The following HIPK2 variants were observed in gnomAD, a reference collection of about 807,000 sequenced individuals.
HIPK2 encodes the protein homeodomain-interacting protein kinase 2.
HIPK2 carries 27 observed loss-of-function variants against 113.7 expected under a neutral mutation model. The observed-to-expected ratio is 0.24, with a 90% CI of 0.17 to 0.33. The LOEUF (loss-of-function observed/expected upper bound fraction) is 0.33, where lower values mean the gene tolerates loss of function less well. HIPK2 is among the 10% of genes least tolerant of loss of function. The pLI, the probability that HIPK2 is intolerant of heterozygous loss-of-function variation, is 1.00. For synonymous variants in HIPK2, 631 were observed against 642.2 expected (o/e 0.98, Z 0.26); for missense variants, 1,257 against 1,588.0 (o/e 0.79, Z 3.54).
intron 12 of HIPK2, among the ~76,000 whole-genome samples, chr7:139,588,410 G>C (rs1395063717): frequency 6.6e-6 from 1 of 151,476 alleles, no homozygotes; most frequent in Non-Finnish European, 1.5e-5. Flanking sequence ...CTAGCTTCTT[G>C]GGAGGCTGAG....
At chr7:139,628,820 TATTTAA>T (rs1800515202) in intron 5 of HIPK2, 127 bp downstream of exon 5, 1 of 711,728 alleles carries the variant, frequency 1.4e-6, no homozygotes, top group Admixed American at 2.8e-5. Flanking sequence ...TGGCTGTAAC[TATTTAA>T]GGTCAAGGTC....
rs747743193 is a variant in HIPK2 at position 139,575,266 on chromosome 7, GGAC to G, written c.2985_2987del (p.Ser997del). ...TGCTGGAGGACTTGGACTTGTAGGA[GGAC>G]GAGTGGTGACTGGTGTTGACTGTGG... On this transcript the variant is annotated inframe_deletion, in exon 14 of 15. Coordinates refer to ENST00000406875, the MANE Select transcript of HIPK2 (RefSeq NM_022740.5). 1.1e-5 allele frequency: 17 copies of G among 1,574,424 alleles called. No homozygotes were observed. The highest frequency in any genetic ancestry group is 1.5e-5 in the Non-Finnish European group (17 of 1,159,956).
chr7:139,670,743 C>CT (rs1460541746), intron 2 of HIPK2, among the ~76,000 whole-genome samples: 3 of 73,340 alleles, frequency 4.1e-5, no homozygotes, highest in East Asian at 1.7e-3. Context: ...TTCTTTCTTT[C>CT]TTTCTTTCTT....
chr7:139,638,829 T>C (rs1800905664), intron 2 of HIPK2, among the ~76,000 whole-genome samples: 2 of 151,974 alleles, frequency 1.3e-5, no homozygotes, highest in South Asian at 2.1e-4. Context: ...GGCTAATTTT[T>C]CGTATTTTTA....
At chr7:139,592,609 A>T (rs931320694) in intron 12 of HIPK2, among the ~76,000 whole-genome samples, 2 of 152,176 alleles carry the variant, frequency 1.3e-5, no homozygotes, top group Admixed American at 6.5e-5. Context: ...TACCCTCATG[A>T]CTAAAGGTTG....
chr7:139,573,123 G>A lies in HIPK2; in HGVS notation c.3401C>T (p.Thr1134Ile), dbSNP rs1798358859. Reference sequence around the variant, plus strand: ...GTGGACGATGCTGGCTGGGTAGGCAGTGTGCTGCACGGTGTGGCGCGCAGA... The same window carrying A: ...GTGGACGATGCTGGCTGGGTAGGCAATGTGCTGCACGGTGTGGCGCGCAGA... ...QGSARHTVQH[T>I]AYPASIVHQV... Residue 1134 changes from threonine (T) to isoleucine (I), a missense_variant, in exon 15 of 15, where the codon ACT becomes ATT. Transcript: ENST00000406875. 2 of 1,611,662 alleles carry A rather than the reference G, an allele frequency of 1.2e-6. No individual in the cohort carries two copies. Among genetic ancestry groups the A allele is most frequent in the African/African-American group, 1.3e-5 (1 of 74,906 alleles).
chr7:139,755,535 G>T (rs1197142051), intron 1 of HIPK2, among the ~76,000 whole-genome samples: 1 of 152,238 alleles, frequency 6.6e-6, no homozygotes, highest in African/African-American at 2.4e-5. Context: ...GGTCTCCTGA[G>T]CTGACGGGGA....
In HIPK2 at chr7:139,631,104, C is replaced by T. The variant is rs1232111238; in HGVS notation, c.1347+61G>A. On this transcript the variant is annotated intron_variant, in intron 4 of 14. Transcript: ENST00000406875. This position sits in a 1 kb window ranked among gnomAD's most constrained non-coding sequence, Gnocchi z 4.9. ...AATCAAAAGCTCCCCACTAATGGGT[C>T]TACGGCCCTCTTCCCTAAGCGCTGG... is the stretch of plus-strand genomic sequence containing the variant. 6.4e-7 allele frequency: 1 copy of T among 1,557,524 alleles called. No homozygotes were observed. The highest frequency in any genetic ancestry group is 8.7e-7 in the Non-Finnish European group (1 of 1,150,494).
chr7:139,721,234 G>T (rs367986570), intron 1 of HIPK2, among the ~76,000 whole-genome samples: 6 of 152,330 alleles, frequency 3.9e-5, no homozygotes, highest in African/African-American at 1.4e-4. Context: ...GCTCCAACAA[G>T]ATATAGTTAA....
chr7:139,620,949 A>G lies in HIPK2; in HGVS notation c.1620-386T>C, dbSNP rs1415018127. Among the ~76,000 whole-genome samples, 4 of 152,130 alleles carry G rather than the reference A, an allele frequency of 2.6e-5. No homozygotes were observed. In the East Asian group the frequency reaches 7.7e-4, roughly 29 times the overall value. On this transcript the variant is annotated intron_variant, in intron 6 of 14. Transcript: ENST00000406875. ...AGCTCTCTGAATGGGAACATTAACTAGTCACTTATAACCCGCCTCCACCTT... is the reference window on the plus strand; with the variant it reads ...AGCTCTCTGAATGGGAACATTAACTGGTCACTTATAACCCGCCTCCACCTT...
chr7:139,582,672 G>A (rs1425953223), intron 13 of HIPK2, among the ~76,000 whole-genome samples: 1 of 152,284 alleles, frequency 6.6e-6, no homozygotes, highest in Non-Finnish European at 1.5e-5. Context: ...GGGTTAGGAA[G>A]TAGGTGGCGG....
At chr7:139,664,693 G>GCTGTA (rs1801986291) in intron 2 of HIPK2, among the ~76,000 whole-genome samples, 1 of 152,156 alleles carries the variant, frequency 6.6e-6, no homozygotes, top group Non-Finnish European at 1.5e-5. Flanking sequence ...GTGGCTCTGA[G>GCTGTA]CTGTACTGTA....
chr7:139,631,382 AT>A lies in HIPK2; in HGVS notation c.1228-99del. The A allele has an allele frequency of 6.8e-7, 1 of 1,479,124 alleles. No individual in the cohort carries two copies. The allele number at this position is 1,479,124 out of a possible 1,614,324, so 91.6% of individuals were successfully genotyped here. Reference sequence around the variant, plus strand: ...GGCTTTGAGAAAAATGAAAATGACAATTTTTGTAGGGAAAGAAGTTAACAAA... The same window carrying A: ...GGCTTTGAGAAAAATGAAAATGACAATTTTGTAGGGAAAGAAGTTAACAAA... On this transcript the variant is annotated intron_variant, in intron 3 of 14. Coordinates refer to ENST00000406875, the MANE Select transcript of HIPK2 (RefSeq NM_022740.5). This position sits in a 1 kb window ranked among gnomAD's most constrained non-coding sequence, Gnocchi z 4.9.
chr7:139,616,085 C>T (rs141273354), intron 7 of HIPK2, among the ~76,000 whole-genome samples: 26 of 152,238 alleles, frequency 1.7e-4, no homozygotes, highest in East Asian at 9.7e-4. Flanking sequence ...GCCCTTAGCC[C>T]CTGTGGGTGT....
Position 139,629,044 on chromosome 7 carries a change from C to T in HIPK2, c.1348-5G>A, listed in dbSNP as rs1288336596. ...TGCTTCATGGTCATCTGGTGTCTGTCAAGAGAGGCAAAAGCCAATTGGTAG... is the reference window on the plus strand; with the variant it reads ...TGCTTCATGGTCATCTGGTGTCTGTTAAGAGAGGCAAAAGCCAATTGGTAG... On this transcript the variant is annotated splice_polypyrimidine_tract_variant and splice_region_variant and intron_variant, in intron 4 of 14. Transcript: ENST00000406875. 2 of 1,582,554 alleles carry T rather than the reference C, an allele frequency of 1.3e-6. No individual in the cohort carries two copies. Among genetic ancestry groups the T allele is most frequent in the Non-Finnish European group, 1.7e-6 (2 of 1,162,040 alleles).
At chr7:139,657,400 A>G (rs1036537196) in intron 2 of HIPK2, among the ~76,000 whole-genome samples, 1 of 152,170 alleles carries the variant, frequency 6.6e-6, no homozygotes, top group African/African-American at 2.4e-5. Flanking sequence ...GACCTCGTCC[A>G]TTCGATTTTT....
intron 2 of HIPK2, among the ~76,000 whole-genome samples, chr7:139,700,414 T>C (rs1355450479): frequency 2.0e-5 from 3 of 152,180 alleles, no homozygotes; most frequent in Non-Finnish European, 4.4e-5. Context: ...AGAGCTATGA[T>C]GACGGTCACA....
intron 1 of HIPK2, among the ~76,000 whole-genome samples, chr7:139,775,690 C>T (rs1796727455): frequency 6.6e-6 from 1 of 152,108 alleles, no homozygotes; most frequent in East Asian, 1.9e-4. Context: ...TAAACCGTAA[C>T]ACCCTACACA....
intron 12 of HIPK2, among the ~76,000 whole-genome samples, chr7:139,593,812 G>A (rs1033106862): frequency 6.6e-6 from 1 of 152,212 alleles, no homozygotes; most frequent in African/African-American, 2.4e-5. Context: ...CAATGTGTAG[G>A]AGGGAAGGTC....
Sources: gnomAD v4.1 joint callset for allele counts (sites outside exome capture counted in the v4.1 genomes callset) on GRCh38, gnomAD v4.1.1 for gene constraint, Gnocchi (gnomAD v3.1) non-coding constraint, MANE v1.5 for transcripts, NCBI Gene and HGNC (gene_info 2026-07-23, HGNC 2026-07-21) for gene names.